EML6: variants seen among roughly 807,000 people sequenced by gnomAD.
EML6 encodes echinoderm microtubule-associated protein-like 6.
In EML6, 154 loss-of-function variants were observed where a neutral mutation model predicts 240.1. That is an observed-to-expected ratio of 0.64 (90% CI 0.56 to 0.73). The LOEUF (loss-of-function observed/expected upper bound fraction) is 0.73, where lower values mean the gene tolerates loss of function less well. Among genes scored for constraint, EML6 ranks in the 30% least tolerant of loss-of-function variants. The pLI, the probability that EML6 is intolerant of heterozygous loss-of-function variation, is 0.00. For missense variants in EML6, 2,964 were observed against 2,474.6 expected, an observed-to-expected ratio of 1.20 and a Z score of -4.20; for synonymous variants, 1,148 against 899.0, an observed-to-expected ratio of 1.28 and a Z score of -4.95.
At chr2:54,749,632 TA>T (rs1684069254) in intron 2 of EML6, among the ~76,000 whole-genome samples, 1 of 152,194 alleles carries the variant, frequency 6.6e-6, no homozygotes, top group South Asian at 2.1e-4. Context: ...TACATTACCT[TA>T]TTTAATGCTC....
chr2:54,744,157 A>T (rs1329167226), intron 2 of EML6, among the ~76,000 whole-genome samples: 1 of 152,052 alleles, frequency 6.6e-6, no homozygotes, highest in Non-Finnish European at 1.5e-5. Flanking sequence ...CTAGAAAATA[A>T]TAATGTAGCA....
chr2:54,804,367 C>G (rs904543493), intron 2 of EML6, among the ~76,000 whole-genome samples: 1 of 152,250 alleles, frequency 6.6e-6, no homozygotes, highest in African/African-American at 2.4e-5. Flanking sequence ...CTGGATTTCA[C>G]ATAGACCTCT....
chr2:54,725,363 A>T lies in EML6; in HGVS notation c.197+105A>T. ...ATCCGGGAGCCCCGTGGAATAGAGG[A>T]TTCTCTCTGGAGCCGCATGGAATTA... On this transcript the variant is annotated intron_variant, in intron 2 of 41. Transcript: ENST00000356458. The surrounding 1 kb of genome is among the most constrained non-coding windows in gnomAD (Gnocchi z 4.3). 1 of 835,698 alleles carries T rather than the reference A, an allele frequency of 1.2e-6. No individual in the cohort carries two copies. Among genetic ancestry groups the T allele is most frequent in the Non-Finnish European group, 1.7e-6 (1 of 577,462 alleles). 51.8% of individuals were successfully genotyped at this position (835,698 alleles called of 1,614,324 possible).
chr2:54,935,323 T>C (rs1429780622), intron 28 of EML6, among the ~76,000 whole-genome samples: 1 of 152,240 alleles, frequency 6.6e-6, no homozygotes, highest in Non-Finnish European at 1.5e-5. Flanking sequence ...ACACACAAAA[T>C]CTAGTTCATT....
intron 16 of EML6, among the ~76,000 whole-genome samples, chr2:54,876,223 C>T (rs1044923159): frequency 3.9e-5 from 6 of 152,180 alleles, no homozygotes; most frequent in Non-Finnish European, 5.9e-5. Flanking sequence ...AAGACCACGG[C>T]TTACAGGGAA....
At chr2:54,915,629 A>G (rs1558681955) in intron 25 of EML6, among the ~76,000 whole-genome samples, 1 of 152,116 alleles carries the variant, frequency 6.6e-6, no homozygotes, top group Non-Finnish European at 1.5e-5. Flanking sequence ...ACAAGATTAA[A>G]TGAGAAATTT....
intron 13 of EML6, among the ~76,000 whole-genome samples, chr2:54,866,471 A>G (rs2103881325): frequency 6.6e-6 from 1 of 152,318 alleles, no homozygotes; most frequent in East Asian, 1.9e-4. Context: ...AATAAAACAA[A>G]CTATTTTATT....
chr2:54,885,502 T>C (rs1180717992), intron 17 of EML6, among the ~76,000 whole-genome samples: 1 of 152,184 alleles, frequency 6.6e-6, no homozygotes, highest in Admixed American at 6.5e-5. Flanking sequence ...ATCTGGTTGA[T>C]TTCTTCTCTT....
chr2:54,962,478 C>CAT, intron 35 of EML6, 45 bp from the exon 36 acceptor site: 1 of 1,420,850 alleles, frequency 7.0e-7, no homozygotes, highest in South Asian at 1.4e-5. Flanking sequence ...TGAGTGCAGT[C>CAT]ATACAGTATT....
At chr2:54,887,142 C>T (rs1672192285) in intron 17 of EML6, among the ~76,000 whole-genome samples, 1 of 152,194 alleles carries the variant, frequency 6.6e-6, no homozygotes, top group South Asian at 2.1e-4. Context: ...TTTCTGCTGT[C>T]AGTAATACTC....
chr2:54,872,794 G>T (rs141001208), intron 16 of EML6, among the ~76,000 whole-genome samples: 1 of 152,104 alleles, frequency 6.6e-6, no homozygotes, highest in African/African-American at 2.4e-5. Context: ...AAGTCCTCCC[G>T]CCCTTTAAGG....
chr2:54,960,191 C>T, intron 34 of EML6, 29 bp from the exon 35 acceptor site: 4 of 1,483,218 alleles, frequency 2.7e-6, no homozygotes, highest in Non-Finnish European at 3.7e-6. Flanking sequence ...TGAGGGTTAA[C>T]AGCCTGAGTC....
Position 54,879,619 on chromosome 2 carries a change from G to T in EML6, c.2417G>T (p.Gly806Val). 1 of 1,551,010 alleles carries T rather than the reference G, an allele frequency of 6.4e-7. No homozygotes were observed. Among genetic ancestry groups the T allele is most frequent in the Non-Finnish European group, 8.7e-7 (1 of 1,145,940 alleles). Residue 806 changes from glycine to valine, a missense_variant, in exon 17 of 42, where the codon GGA becomes GTA. Physicochemically the swap from Gly to Val is moderately radical, Grantham distance 109. Coordinates refer to ENST00000356458, the MANE Select transcript of EML6 (RefSeq NM_001039753.4). ...ATTGTATTTTGGGACTGGAAAAAGG[G>T]AGAAAAGATAGCCACAACAAGGTAA... ...HSIVFWDWKK[G>V]EKIATTRGHK...
intron 24 of EML6, among the ~76,000 whole-genome samples, chr2:54,908,716 G>A (rs555695875): frequency 2.6e-5 from 4 of 152,110 alleles, no homozygotes; most frequent in African/African-American, 7.2e-5. Flanking sequence ...GCCCAGCCTC[G>A]GCTGCCCCAA....
chr2:54,887,279 G>T (rs1430471041), intron 17 of EML6, among the ~76,000 whole-genome samples: 1 of 152,176 alleles, frequency 6.6e-6, no homozygotes, highest in Admixed American at 6.5e-5. Flanking sequence ...TTAGTTCAGG[G>T]TTCAAAGTGG....
At chr2:54,834,097 A>G (rs903311269) in intron 7 of EML6, among the ~76,000 whole-genome samples, 1 of 152,214 alleles carries the variant, frequency 6.6e-6, no homozygotes, top group Non-Finnish European at 1.5e-5. Flanking sequence ...CTTAGTGAAT[A>G]TAAAATTCTG....
chr2:54,967,983 G>C (rs1026449324), intron 39 of EML6, 145 bp from the exon 40 acceptor site: 12 of 738,848 alleles, frequency 1.6e-5, no homozygotes, highest in Non-Finnish European at 2.7e-5. Flanking sequence ...ACAGGCCATG[G>C]ACCAGTACCG....
At chr2:54,888,183 AGG>A (rs1558652676) in intron 17 of EML6, among the ~76,000 whole-genome samples, 1 of 152,168 alleles carries the variant, frequency 6.6e-6, no homozygotes, top group African/African-American at 2.4e-5. Context: ...TTCATAGCAG[AGG>A]GTAATGAGGC....
rs369255283 is a variant in EML6, at chr2:54,953,987, A to G, written c.4317A>G (p.Thr1439=). 2.8e-4 allele frequency: 432 copies of G among 1,550,620 alleles called. No homozygotes were observed. The highest frequency in any genetic ancestry group is 3.6e-4 in the Non-Finnish European group (417 of 1,146,310). Residue 1439 remains threonine (T), a synonymous_variant, in exon 32 of 42, where the codon ACA becomes ACG. Coordinates refer to ENST00000356458, the MANE Select transcript of EML6 (RefSeq NM_001039753.4). The stretch of plus-strand genomic sequence containing the variant: ...GTCATGCCTCTCCACACTCAGGGAC[A>G]ACACCTTCCATCCACATATGGGACG... ...RNVVATSQIG[T]TPSIHIWDAM... is the part of the protein sequence containing the mutation.
Sources: gnomAD v4.1 joint callset for allele counts (sites outside exome capture counted in the v4.1 genomes callset) on GRCh38, gnomAD v4.1.1 for gene constraint, Gnocchi (gnomAD v3.1) non-coding constraint, MANE v1.5 for transcripts, NCBI Gene and HGNC (gene_info 2026-07-23, HGNC 2026-07-21) for gene names.